DNAH6: variants seen among roughly 807,000 people sequenced by gnomAD.
DNAH6 encodes the protein dynein axonemal heavy chain 6.
A neutral mutation model predicts 491.4 loss-of-function variants in DNAH6; 340 were observed. That is an observed-to-expected ratio of 0.69 (90% CI 0.63 to 0.76). The LOEUF is 0.76. DNAH6 is among the 30% of genes least tolerant of loss of function. The pLI, the probability that DNAH6 is intolerant of heterozygous loss-of-function variation, is 0.00. For missense variants in DNAH6, 4,443 were observed against 4,972.2 expected (o/e 0.89, Z 3.20); for synonymous variants, 1,603 against 1,686.1 (o/e 0.95, Z 1.21).
chr2:84,595,249 A>G (rs1684471002), intron 17 of DNAH6, among the ~76,000 whole-genome samples: 1 of 152,244 alleles, frequency 6.6e-6, no homozygotes, highest in Non-Finnish European at 1.5e-5. Context: ...ATCTGTAAGT[A>G]TATAGATCTA....
intron 62 of DNAH6, among the ~76,000 whole-genome samples, chr2:84,735,969 C>G (rs1448871360): frequency 3.3e-5 from 5 of 152,076 alleles, no homozygotes; most frequent in African/African-American, 1.2e-4. Flanking sequence ...AGAGTATTTC[C>G]TAAGTTTTCT....
chr2:84,648,758 T>G (rs747985939), intron 33 of DNAH6, among the ~76,000 whole-genome samples: 4 of 152,200 alleles, frequency 2.6e-5, no homozygotes, highest in Non-Finnish European at 4.4e-5. Flanking sequence ...CTATTCCTGG[T>G]GAAGATGCTG....
At chr2:84,589,604 T>C (rs758175629) in intron 16 of DNAH6, among the ~76,000 whole-genome samples, 1 of 149,016 alleles carries the variant, frequency 6.7e-6, no homozygotes, top group Non-Finnish European at 1.5e-5. Flanking sequence ...CCCAGGTACT[T>C]GGGAGGCTAA....
intron 11 of DNAH6, among the ~76,000 whole-genome samples, chr2:84,565,327 GC>G (rs1386793930): frequency 1.4e-5 from 1 of 71,288 alleles, no homozygotes; most frequent in Non-Finnish European, 4.1e-5. Context: ...CTGGTCCAGG[GC>G]TTTTTTTTTT....
intron 64 of DNAH6, among the ~76,000 whole-genome samples, chr2:84,780,560 G>T (rs902767504): frequency 2.0e-5 from 3 of 152,062 alleles, no homozygotes; most frequent in African/African-American, 7.2e-5. Flanking sequence ...CTTTGGACTG[G>T]ATTTCAACTT....
intron 29 of DNAH6, 130 bp downstream of exon 29, chr2:84,625,193 G>T (rs1687747616): frequency 1.2e-6 from 1 of 868,202 alleles, no homozygotes; most frequent in Non-Finnish European, 1.6e-6. Flanking sequence ...GGTAAATAAT[G>T]GTTAAAGTGG....
intron 40 of DNAH6, among the ~76,000 whole-genome samples, chr2:84,673,505 A>G (rs1178084549): frequency 6.6e-6 from 1 of 152,236 alleles, no homozygotes; most frequent in African/African-American, 2.4e-5. Flanking sequence ...TGTGTTAGTC[A>G]GGGTTCTCTA....
At chr2:84,494,356 A>C in the DNAH6 span, among the ~76,000 whole-genome samples, 1 of 152,202 alleles carries the variant, frequency 6.6e-6, no homozygotes, top group Non-Finnish European at 1.5e-5. Flanking sequence ...CCTGATTTTC[A>C]GGAAGCAAAA....
intron 64 of DNAH6, among the ~76,000 whole-genome samples, chr2:84,780,067 AT>A (rs1055902118): frequency 2.0e-5 from 3 of 149,946 alleles, no homozygotes; most frequent in East Asian, 1.9e-4. Context: ...GCCTTTAAGA[AT>A]TTTTTTTTTC....
chr2:84,752,718 G>A (rs530342481), intron 63 of DNAH6, among the ~76,000 whole-genome samples: 28 of 151,494 alleles, frequency 1.8e-4, no homozygotes, highest in Non-Finnish European at 3.7e-4. Flanking sequence ...TTAAAGATTC[G>A]TCTCTGTTGT....
chr2:84,595,683 G>A lies in DNAH6; in HGVS notation c.2762G>A (p.Gly921Asp). Residue 921 changes from glycine (G) to aspartate (D), a missense_variant, in exon 18 of 77, where the codon GGT (glycine) becomes GAT (aspartate). By Grantham distance (94) the Gly-to-Asp change is moderately conservative. This residue lies in a region of DNAH6 where 2,977 missense variants were observed against 3,296.6 expected (regional missense o/e 0.90). Coordinates refer to ENST00000389394, the MANE Select transcript of DNAH6 (RefSeq NM_001370.2). ...TGCCTGGATCCAGAAGTCCTAAACG[G>A]TCAAGTTTCTAAATATGCTAAATTT... ...FDCLDPEVLN[G>D]QVSKYAKFVT... 1 of 1,550,774 alleles carries A rather than the reference G, an allele frequency of 6.4e-7. No individual in the cohort carries two copies. Among genetic ancestry groups the A allele is most frequent in the Non-Finnish European group, 8.7e-7 (1 of 1,146,584 alleles).
chr2:84,661,032 T>C (rs978733735), intron 37 of DNAH6, among the ~76,000 whole-genome samples: 23 of 152,270 alleles, frequency 1.5e-4, no homozygotes, highest in Middle Eastern at 3.4e-3. Flanking sequence ...TAATAATATG[T>C]CAGTATTCAA....
At chr2:84,682,140 GTCAA>G (rs1693843459) in intron 42 of DNAH6, among the ~76,000 whole-genome samples, 1 of 151,986 alleles carries the variant, frequency 6.6e-6, no homozygotes, top group African/African-American at 2.4e-5. Context: ...TTTACTATAC[GTCAA>G]TCAAAGTTGT....
chr2:84,590,591 A>G (rs547502090), intron 16 of DNAH6, among the ~76,000 whole-genome samples: 9 of 151,596 alleles, frequency 5.9e-5, no homozygotes, highest in African/African-American at 2.2e-4. Flanking sequence ...ACGGCAGAGC[A>G]TGAAGCCCCA....
At chr2:84,589,196 A>G (rs7559641) in intron 16 of DNAH6, among the ~76,000 whole-genome samples, 1,733 of 152,304 alleles carry the variant, frequency 0.011, 33 homozygotes, top group African/African-American at 0.04. Flanking sequence ...ATTATGCAAA[A>G]CTTTCAGACA....
At chr2:84,577,745 G>A (rs979745701) in intron 13 of DNAH6, among the ~76,000 whole-genome samples, 3 of 152,090 alleles carry the variant, frequency 2.0e-5, no homozygotes, top group Non-Finnish European at 4.4e-5. Context: ...CTAGACCACC[G>A]AGATCAAGTT....
intron 32 of DNAH6, among the ~76,000 whole-genome samples, chr2:84,641,575 G>A (rs116372725): frequency 0.012 from 1,767 of 152,266 alleles, 36 homozygotes; most frequent in African/African-American, 0.041. Context: ...GGGAGTCACT[G>A]GGCTGGGTTT....
At chr2:84,710,191 T>C (rs1696895304) in intron 55 of DNAH6, 96 bp from the exon 56 acceptor site, 2 of 1,449,820 alleles carry the variant, frequency 1.4e-6, no homozygotes, top group South Asian at 1.4e-5. Context: ...TGTTTCTAGA[T>C]TGAATAACAT....
chr2:84,487,450 C>A, the DNAH6 span, among the ~76,000 whole-genome samples: 179 of 152,300 alleles, frequency 1.2e-3, 7 homozygotes, highest in African/African-American at 4.2e-3. Context: ...ACAGCTTGAG[C>A]AACTGCAATG....
Sources: gnomAD v4.1 joint callset for allele counts (sites outside exome capture counted in the v4.1 genomes callset) on GRCh38, gnomAD v4.1.1 for gene constraint, gnomAD v4.1.1 regional missense constraint, MANE v1.5 for transcripts, NCBI Gene and HGNC (gene_info 2026-07-23, HGNC 2026-07-21) for gene names.